Variants in LPIN1 observed in about 807,000 individuals in gnomAD.
LPIN1 encodes lipin 1, also known as phosphatidate phosphatase LPIN1.
In LPIN1, 71 loss-of-function variants were observed where a neutral mutation model predicts 107.5. The ratio of observed to expected loss-of-function variants is 0.66; its 90% CI spans 0.55 to 0.80. LPIN1 has a LOEUF of 0.80. Ranked by LOEUF, LPIN1 falls within the 30% of genes least tolerant of loss-of-function variation. The pLI is 0.00. For synonymous variants in LPIN1, 445 were observed against 452.6 expected (o/e 0.98, Z 0.21); for missense variants, 1,043 against 1,160.6 (o/e 0.90, Z 1.47).
exon 2 of LPIN1, chr2:11,741,395 C>T: frequency 6.4e-7 from 1 of 1,550,484 alleles, no homozygotes. Context: ...ACCTGCTTAA[C>T]AGAAGACAAC....
At chr2:11,769,596 T>C (rs940844731) in intron 3 of LPIN1, among the ~76,000 whole-genome samples, 2 of 152,222 alleles carry the variant, frequency 1.3e-5, no homozygotes, top group African/African-American at 4.8e-5. Flanking sequence ...GTCTAATTTT[T>C]TTTTTTAAAG....
chr2:11,717,543 G>A (rs767581049), intron 2 of LPIN1, among the ~76,000 whole-genome samples: 4 of 141,182 alleles, frequency 2.8e-5, no homozygotes, highest in African/African-American at 1.1e-4. Context: ...AGCCTATCAC[G>A]TGGAAATCAT....
chr2:11,750,049 C>A (rs1445958189), intron 1 of LPIN1, among the ~76,000 whole-genome samples: 1 of 152,144 alleles, frequency 6.6e-6, no homozygotes, highest in East Asian at 1.9e-4. Context: ...CAACCAACAC[C>A]CCCATTTGCC....
intron 6 of LPIN1, among the ~76,000 whole-genome samples, chr2:11,778,899 G>A (rs976452258): frequency 6.6e-6 from 1 of 152,158 alleles, no homozygotes; most frequent in African/African-American, 2.4e-5. Flanking sequence ...TTAACCAGTT[G>A]GTGAGTCCCT....
At chr2:11,792,123 C>A (rs1448604049) in intron 13 of LPIN1, 117 bp downstream of exon 13, 4 of 867,136 alleles carry the variant, frequency 4.6e-6, no homozygotes, top group Non-Finnish European at 7.4e-6. Flanking sequence ...GCTGAGTTTC[C>A]ATGAGCCAGC....
chr2:11,746,669 T>C lies in LPIN1; in HGVS notation c.-12T>C. On this transcript the variant is annotated splice_region_variant and 5_prime_UTR_variant, in exon 1 of 21. Transcript: ENST00000674199. ...CAAAGGCGGCCACGCGCGGCGCCGC[T>C]CGGTGAGTAGCCGCCGCCTCCAGCC... 1 of 984,500 alleles carries C rather than the reference T, an allele frequency of 1.0e-6. No homozygotes were observed. Among genetic ancestry groups the C allele is most frequent in the Non-Finnish European group, 1.2e-6 (1 of 829,388 alleles). 61.0% of individuals were successfully genotyped at this position (984,500 alleles called of 1,614,324 possible). A position where few individuals can be genotyped will look rare whatever the true frequency, so the allele number is the denominator to read the frequency against.
rs1233568105 is a variant in LPIN1 at position 11,707,193 on chromosome 2, C to T, written c.82-6563C>T. ...AAGAATAATGATCTAACGTCAGATA[C>T]TGATAAAGTGCTAAGAAGAAAAAGA... On this transcript the variant is annotated intron_variant, in intron 1 of 21. Coordinates refer to the LPIN1 transcript ENST00000449576. This position sits in a 1 kb window ranked among gnomAD's most constrained non-coding sequence, Gnocchi z 4.2. 6.6e-6 allele frequency among the ~76,000 whole-genome samples: 1 copy of T among 152,100 alleles called. No homozygotes were observed.
intron 1 of LPIN1, chr2:11,763,273 T>C (rs1300774735): frequency 6.6e-6 from 1 of 152,466 alleles, no homozygotes; most frequent in East Asian, 1.9e-4. Context: ...CATGACCCAG[T>C]CCAGGGATAA....
chr2:11,706,655 T>C (rs954394690), intron 1 of LPIN1, among the ~76,000 whole-genome samples: 2 of 152,210 alleles, frequency 1.3e-5, no homozygotes, highest in Non-Finnish European at 2.9e-5. Context: ...CATTATTAAA[T>C]ATTATAACAA....
chr2:11,784,648 A>G (rs902350788), intron 9 of LPIN1: 7 of 588,738 alleles, frequency 1.2e-5, no homozygotes, highest in Non-Finnish European at 2.1e-5. Context: ...CTTCTTCTTC[A>G]GTATATTTTA....
At chr2:11,699,604 T>C (rs756033122) in intron 1 of LPIN1, among the ~76,000 whole-genome samples, 1 of 152,066 alleles carries the variant, frequency 6.6e-6, no homozygotes, top group African/African-American at 2.4e-5. Context: ...CGAGGAAGCA[T>C]GAAGATGGTC....
intron 1 of LPIN1, among the ~76,000 whole-genome samples, chr2:11,702,662 A>G (rs923227181): frequency 6.6e-6 from 1 of 152,204 alleles, no homozygotes; most frequent in Non-Finnish European, 1.5e-5. Context: ...CACAAAGAAT[A>G]TGCACTATGC....
At chr2:11,724,834 T>C (rs1306079752) in intron 1 of LPIN1, among the ~76,000 whole-genome samples, 1 of 152,230 alleles carries the variant, frequency 6.6e-6, no homozygotes, top group Non-Finnish European at 1.5e-5. Flanking sequence ...GCTCTGGGCT[T>C]TTAGACAGGT....
In LPIN1 at chr2:11,765,021, C is replaced by T. The variant is rs1202038604; in HGVS notation, c.-9-512C>T. 6.6e-6 allele frequency among the ~76,000 whole-genome samples: 1 copy of T among 151,944 alleles called. No homozygotes were observed. Among genetic ancestry groups the T allele is most frequent in the East Asian group, 1.9e-4 (1 of 5,180 alleles). On this transcript the variant is annotated intron_variant, in intron 1 of 20. Transcript: ENST00000674199. This position sits in a 1 kb window ranked among gnomAD's most constrained non-coding sequence, Gnocchi z 4.4. ...TGCTGTGGGAGTTGGGGTGATAGGC[C>T]GTGATGGGCCATGATGGGCTGTGAT...
In LPIN1 at chr2:11,825,578, A is replaced by G. The variant is rs1373082881; in HGVS notation, c.*787A>G. ...TGGTAACTTTGCAACGCCTTAGATT[A>G]AAATGACAGTAAATATTACTAAGGC... is the stretch of plus-strand genomic sequence containing the variant. On this transcript the variant is annotated 3_prime_UTR_variant, in exon 21 of 21. Transcript: ENST00000674199. This position sits in a 1 kb window ranked among gnomAD's most constrained non-coding sequence, Gnocchi z 4.1. The G allele has an allele frequency of 6.5e-6, 1 of 152,672 alleles. No homozygotes were observed. The highest frequency in any genetic ancestry group is 1.5e-5 in the Non-Finnish European group (1 of 68,064). The allele number at this position is 152,672 out of a possible 1,614,324, so 9.5% of individuals were successfully genotyped here.
At chr2:11,824,592 G>T (rs773956307) in intron 20 of LPIN1, 40 bp from the exon 21 acceptor site, 1 of 1,611,618 alleles carries the variant, frequency 6.2e-7, no homozygotes, top group South Asian at 1.1e-5. Flanking sequence ...TGCATAGCTG[G>T]TATCGCTCAG....
intron 1 of LPIN1, among the ~76,000 whole-genome samples, chr2:11,694,036 C>T (rs544653736): frequency 6.6e-6 from 1 of 150,612 alleles, no homozygotes; most frequent in African/African-American, 2.4e-5. Flanking sequence ...GTTTCACCAT[C>T]TTGGCCAGGC....
intron 1 of LPIN1, among the ~76,000 whole-genome samples, chr2:11,754,302 C>G (rs1157886127): frequency 1.3e-5 from 2 of 152,186 alleles, no homozygotes; most frequent in Non-Finnish European, 2.9e-5. Flanking sequence ...CACAGGTGCC[C>G]TTTAAGCACC....
intron 12 of LPIN1, among the ~76,000 whole-genome samples, chr2:11,791,473 A>G (rs995820610): frequency 1.3e-5 from 2 of 152,248 alleles, no homozygotes; most frequent in African/African-American, 2.4e-5. Context: ...TAAAAATCTT[A>G]TGCATTTTAC....
Sources: gnomAD v4.1 joint callset for allele counts (sites outside exome capture counted in the v4.1 genomes callset) on GRCh38, gnomAD v4.1.1 for gene constraint, Gnocchi (gnomAD v3.1) non-coding constraint, MANE v1.5 for transcripts, NCBI Gene and HGNC (gene_info 2026-07-23, HGNC 2026-07-21) for gene names.